Variants in PPA1 observed in about 807,000 individuals in gnomAD.
The protein encoded by PPA1 is inorganic pyrophosphatase.
A neutral mutation model predicts 41.8 loss-of-function variants in PPA1; 23 were observed. That is an observed-to-expected ratio of 0.55 (90% CI 0.40 to 0.78). PPA1 has a LOEUF of 0.78. PPA1 is among the 30% of genes least tolerant of loss of function. The probability of loss-of-function intolerance (pLI) is 0.00; values close to 1 mark genes in which losing one functional copy is unlikely to be tolerated. For synonymous variants in PPA1, 101 were observed against 116.8 expected (o/e 0.86, Z 0.87); for missense variants, 320 against 361.6 (o/e 0.89, Z 0.93).
intron 2 of PPA1, among the ~76,000 whole-genome samples, chr10:70,227,686 G>A (rs1361313746): frequency 6.8e-6 from 1 of 146,986 alleles, no homozygotes; most frequent in Non-Finnish European, 1.5e-5. Context: ...GTCTGATATG[G>A]ATATGAGCCC....
rs770645044 is a variant in PPA1, at chr10:70,217,807, C to T, written c.297+5G>A. On this transcript the variant is annotated splice_donor_5th_base_variant and intron_variant, in intron 4 of 10. Transcript: ENST00000373232. ...TACATTGTCAGCAGTTGCATGAAGA[C>T]ATACCTGAGGGATGGCACCATAGTT... The T allele has an allele frequency of 1.0e-5, 16 of 1,549,230 alleles. No homozygotes were observed. The South Asian group carries it at 1.8e-4, about 18-fold the overall frequency.
At chr10:70,206,811 T>C (rs1839945497) in intron 8 of PPA1, among the ~76,000 whole-genome samples, 1 of 136,208 alleles carries the variant, frequency 7.3e-6, no homozygotes, top group Non-Finnish European at 1.5e-5. Flanking sequence ...GCCACTGCAC[T>C]CCAGCCTGGT....
chr10:70,206,286 G>C lies in PPA1; in HGVS notation c.773C>G (p.Ala258Gly), dbSNP rs1839938075. 6 of 1,612,960 alleles carry C rather than the reference G, an allele frequency of 3.7e-6. No homozygotes were observed. In the African/African-American group the frequency reaches 5.3e-5, roughly 14 times the overall value. Reference protein sequence around the residue: ...SESPFKCDPDAARAIVDALPP... With the variant: ...SESPFKCDPDGARAIVDALPP... ...TACAGCATCCACAATGGCTCTGGCA[G>C]CATCAGGATCACACTTGAAGGGGCT... is the stretch of plus-strand genomic sequence containing the variant. Residue 258 changes from alanine to glycine, a missense_variant, in exon 9 of 11, where the codon GCT (alanine) becomes GGT (glycine). Ala to Gly is a moderately conservative substitution (Grantham distance 60). Transcript: ENST00000373232.
At chr10:70,217,961 T>C in intron 3 of PPA1, 30 bp from the exon 4 acceptor site, 2 of 1,504,186 alleles carry the variant, frequency 1.3e-6, no homozygotes, top group Non-Finnish European at 9.0e-7. Flanking sequence ...AATCTTTGCA[T>C]ATTTGGATGT....
In PPA1 at chr10:70,209,642, A is replaced by G; in HGVS notation, c.555T>C (p.Ala185=). Residue 185 remains alanine, a synonymous_variant, in exon 7 of 11, where the codon GCT becomes GCC. Coordinates refer to ENST00000373232, the MANE Select transcript of PPA1 (RefSeq NM_021129.4). The stretch of plus-strand genomic sequence containing the variant: ...TATACCTTCTAAACCAGTCCACAGT[A>G]GCTTCTAAGTAGCCAGGTTTCAGCC... ...VKRLKPGYLE[A]TVDWFRRYKV... is the part of the protein sequence containing the mutation. The G allele has an allele frequency of 6.2e-7, 1 of 1,606,090 alleles. No homozygotes were observed. Among genetic ancestry groups the G allele is most frequent in the African/African-American group, 1.3e-5 (1 of 74,766 alleles).
intron 8 of PPA1, among the ~76,000 whole-genome samples, chr10:70,206,621 G>A (rs1030403217): frequency 4.6e-5 from 7 of 151,626 alleles, no homozygotes; most frequent in Admixed American, 1.3e-4. Context: ...TGAGGCAGGC[G>A]GATCATGAGG....
rs770130944 is a variant in PPA1 at position 70,230,330 on chromosome 10, G to C, written c.123+11C>G. ...GTAAAGAGACTGTGTCCAAAAACAA[G>C]GATGCCTTACCTTATCTGCATAAAT... On this transcript the variant is annotated intron_variant, in intron 2 of 10. Transcript: ENST00000373232. 1.2e-6 allele frequency: 2 copies of C among 1,612,602 alleles called. No homozygotes were observed. The highest frequency in any genetic ancestry group is 1.7e-6 in the Non-Finnish European group (2 of 1,179,248).
intron 4 of PPA1, among the ~76,000 whole-genome samples, chr10:70,214,830 C>G (rs914014559): frequency 1.3e-5 from 2 of 152,146 alleles, no homozygotes; most frequent in African/African-American, 4.8e-5. Context: ...TTAAAACAAG[C>G]AAAAGCCAAC....
Position 70,220,583 on chromosome 10 carries a change from TTATATATTATATATAATTTATA to T in PPA1, c.124-1788_124-1767del, listed in dbSNP as rs1426299207. Among the ~76,000 whole-genome samples the T allele has an allele frequency of 2.6e-3, 112 of 42,394 alleles. 25 individuals are homozygous for T. Among genetic ancestry groups the T allele is most frequent in the African/African-American group, 6.7e-3 (91 of 13,564 alleles). The allele number at this position is 42,394 out of a possible 152,430, so 27.8% of individuals were successfully genotyped here. ...ATAATTATATATATAATATATATAA[TTATATATTATATATAATTTATA>T]TATATATTATATATAATTTATATAT... is the stretch of plus-strand genomic sequence containing the variant. On this transcript the variant is annotated intron_variant, in intron 2 of 10. Coordinates refer to ENST00000373232, the MANE Select transcript of PPA1 (RefSeq NM_021129.4).
intron 2 of PPA1, among the ~76,000 whole-genome samples, chr10:70,219,979 G>A (rs1840118925): frequency 1.3e-5 from 2 of 152,158 alleles, no homozygotes; most frequent in South Asian, 4.1e-4. Flanking sequence ...CCAGGCTGGA[G>A]TGCAGTGGCA....
chr10:70,209,408 G>T, intron 7 of PPA1, 118 bp from the exon 8 acceptor site: 10 of 1,303,282 alleles, frequency 7.7e-6, no homozygotes, highest in Non-Finnish European at 1.0e-5. Context: ...TCTAAAAATG[G>T]AAGAGAATAT....
At chr10:70,229,120 T>C (rs145812002) in intron 2 of PPA1, among the ~76,000 whole-genome samples, 213 of 152,300 alleles carry the variant, frequency 1.4e-3, no homozygotes, top group African/African-American at 5.0e-3. Flanking sequence ...CAGTACAAAC[T>C]GCTTCCATTG....
intron 4 of PPA1, among the ~76,000 whole-genome samples, chr10:70,217,549 T>C (rs998103121): frequency 3.9e-5 from 6 of 152,188 alleles, no homozygotes; most frequent in Non-Finnish European, 7.3e-5. Flanking sequence ...AGAATTTATA[T>C]AGCTTATAAC....
intron 2 of PPA1, among the ~76,000 whole-genome samples, chr10:70,219,822 C>T (rs766553036): frequency 4.6e-5 from 7 of 152,038 alleles, no homozygotes; most frequent in Non-Finnish European, 8.8e-5. Flanking sequence ...GTTAAATATG[C>T]CATAGGTTAT....
At chr10:70,231,668 T>C (rs541612477) in intron 1 of PPA1, among the ~76,000 whole-genome samples, 1 of 152,360 alleles carries the variant, frequency 6.6e-6, no homozygotes, top group South Asian at 2.1e-4. Flanking sequence ...AAATGTAATA[T>C]TATAAAGCTT....
At chr10:70,219,558 A>G (rs1027966785) in intron 2 of PPA1, among the ~76,000 whole-genome samples, 14 of 152,196 alleles carry the variant, frequency 9.2e-5, no homozygotes, top group East Asian at 7.7e-4. Flanking sequence ...CATCAGCTTC[A>G]TTATCCACAT....
At chr10:70,205,977 T>C in intron 9 of PPA1, 1 of 347,966 alleles carries the variant, frequency 2.9e-6, no homozygotes, top group South Asian at 4.4e-5. Context: ...TGATGGGTCA[T>C]AGGCACACAG....
chr10:70,211,055 G>A (rs549604870), intron 6 of PPA1, among the ~76,000 whole-genome samples: 45 of 152,238 alleles, frequency 3.0e-4, no homozygotes, highest in African/African-American at 7.7e-4. Flanking sequence ...GAGCCACCGC[G>A]CCCGGCCGCT....
In PPA1 at chr10:70,214,527, T is replaced by G. The variant is rs1052498956; in HGVS notation, c.357A>C (p.Pro119=). 1.1e-5 allele frequency: 18 copies of G among 1,613,564 alleles called. No individual in the cohort carries two copies. The highest frequency in any genetic ancestry group is 1.5e-5 in the Non-Finnish European group (18 of 1,179,798). ...KHTGCCGDND[P]IDVCEIGSKV... ...TGCTTCCAATTTCACACACATCAAT[T>G]GGGTCATTGTCACCACAACAGCCAG... The change falls in exon 5 of 11, where the codon CCA becomes CCC. Residue 119 remains proline, a synonymous_variant. Coordinates refer to ENST00000373232, the MANE Select transcript of PPA1 (RefSeq NM_021129.4).
Sources: allele counts gnomAD v4.1 joint callset (sites outside exome capture counted in the v4.1 genomes callset), GRCh38; gene constraint gnomAD v4.1.1; transcripts MANE v1.5; gene names NCBI Gene and HGNC (gene_info 2026-07-23, HGNC 2026-07-21).